KBTBD2: variants seen among roughly 807,000 people sequenced by gnomAD.
The protein encoded by KBTBD2 is kelch repeat and BTB domain-containing protein 2.
A neutral mutation model predicts 57.1 loss-of-function variants in KBTBD2; 17 were observed. The observed-to-expected ratio is 0.30, with a 90% CI of 0.20 to 0.45. The LOEUF (loss-of-function observed/expected upper bound fraction) is 0.45, where lower values mean the gene tolerates loss of function less well. Ranked by LOEUF, KBTBD2 falls within the 20% of genes least tolerant of loss-of-function variation. The pLI is 1.00. For synonymous variants in KBTBD2, 267 were observed against 262.7 expected, an observed-to-expected ratio of 1.02 and a Z score of -0.16; for missense variants, 515 against 750.6, an observed-to-expected ratio of 0.69 and a Z score of 3.67.
At chr7:32,875,733 T>C (rs1362886197) in intron 2 of KBTBD2, among the ~76,000 whole-genome samples, 2 of 152,158 alleles carry the variant, frequency 1.3e-5, no homozygotes, top group South Asian at 2.1e-4. Context: ...TAAGTATTAA[T>C]ATATACTTTA....
chr7:32,886,892 G>A (rs1365166583), intron 1 of KBTBD2, among the ~76,000 whole-genome samples: 3 of 151,938 alleles, frequency 2.0e-5, no homozygotes, highest in Non-Finnish European at 4.4e-5. Flanking sequence ...AGTATGAAAT[G>A]TTGAAATTTT....
chr7:32,886,824 T>C (rs999762932), intron 1 of KBTBD2, among the ~76,000 whole-genome samples: 2 of 152,280 alleles, frequency 1.3e-5, no homozygotes, highest in African/African-American at 4.8e-5. Context: ...TAAGTGACCA[T>C]GAAATTGTTT....
chr7:32,869,258 C>CAT lies in KBTBD2; in HGVS notation c.*85_*86dup. ...TATCAAAGATAGAATTTTATGTACTCATATTTAGTTCTTTCATAGCCTCTT... is the reference window on the plus strand; with the variant it reads ...TATCAAAGATAGAATTTTATGTACTCATATATTTAGTTCTTTCATAGCCTCTT... On this transcript the variant is annotated 3_prime_UTR_variant, in exon 4 of 4. Transcript: ENST00000304056. 1.1e-6 allele frequency: 1 copy of CAT among 896,272 alleles called. No homozygotes were observed. Among genetic ancestry groups the CAT allele is most frequent in the Admixed American group, 2.5e-5 (1 of 40,142 alleles). 55.5% of individuals were successfully genotyped at this position (896,272 alleles called of 1,614,324 possible). A position where few individuals can be genotyped will look rare whatever the true frequency, so the allele number is the denominator to read the frequency against.
chr7:32,882,582 G>T (rs1562536327), intron 1 of KBTBD2, among the ~76,000 whole-genome samples: 1 of 152,024 alleles, frequency 6.6e-6, no homozygotes, highest in African/African-American at 2.4e-5. Flanking sequence ...TGTAATCCAG[G>T]ATACATTTTC....
At chr7:32,881,651 T>TA (rs1276007864) in intron 1 of KBTBD2, among the ~76,000 whole-genome samples, 1 of 152,196 alleles carries the variant, frequency 6.6e-6, no homozygotes, top group African/African-American at 2.4e-5. Flanking sequence ...TTTAAGGTAA[T>TA]AACTTTGCTC....
rs377459152 is a variant in KBTBD2 at position 32,869,768 on chromosome 7, G to C, written c.1449C>G (p.Ser483=). Residue 483 remains serine, a synonymous_variant, in exon 4 of 4, where the codon TCC becomes TCG. Transcript: ENST00000304056. ...CAGTGCCAGAGGGGAGTCTTATGCC[G>C]GAATTGGTAGCAATATGCAACCCTC... ...YIGGLHIATN[S]GIRLPSGTVD... is the part of the protein sequence containing the mutation. The C allele has an allele frequency of 1.2e-5, 20 of 1,613,858 alleles. No homozygotes were observed. Among genetic ancestry groups the C allele is most frequent in the Non-Finnish European group, 1.6e-5 (19 of 1,180,016 alleles).
chr7:32,889,200 AGAATGGC>A (rs1784663872), intron 1 of KBTBD2, among the ~76,000 whole-genome samples: 1 of 151,820 alleles, frequency 6.6e-6, no homozygotes, highest in Admixed American at 6.6e-5. Flanking sequence ...CTGAGGCAGG[AGAATGGC>A]GTGAACCCGG....
At chr7:32,884,582 C>G (rs187402452) in intron 1 of KBTBD2, among the ~76,000 whole-genome samples, 209 of 149,808 alleles carry the variant, frequency 1.4e-3, no homozygotes, top group African/African-American at 5.0e-3. Flanking sequence ...CCCTGCTACT[C>G]GGGAGGCTGA....
chr7:32,877,572 T>C (rs776785923), intron 2 of KBTBD2, among the ~76,000 whole-genome samples: 1 of 152,160 alleles, frequency 6.6e-6, no homozygotes, highest in Non-Finnish European at 1.5e-5. Context: ...ATAGGAGCAT[T>C]AGATGTAAAG....
chr7:32,882,589 T>C (rs540548159), intron 1 of KBTBD2, among the ~76,000 whole-genome samples: 2 of 152,324 alleles, frequency 1.3e-5, no homozygotes, highest in South Asian at 4.1e-4. Flanking sequence ...CAGGATACAT[T>C]TTCTTCCTGG....
chr7:32,882,037 C>A (rs910127622), intron 1 of KBTBD2, among the ~76,000 whole-genome samples: 1 of 151,912 alleles, frequency 6.6e-6, no homozygotes, highest in African/African-American at 2.4e-5. Context: ...TATATAGCCT[C>A]ACGTTACTTC....
At chr7:32,879,303 A>C in intron 2 of KBTBD2, 132 bp downstream of exon 2, 1 of 606,802 alleles carries the variant, frequency 1.6e-6, no homozygotes, top group African/African-American at 1.9e-5. Context: ...TGCAAGAATG[A>C]GATTTGCCAA....
At chr7:32,888,214 CTTTT>C (rs745483964) in intron 1 of KBTBD2, among the ~76,000 whole-genome samples, 1 of 150,610 alleles carries the variant, frequency 6.6e-6, no homozygotes, top group African/African-American at 2.5e-5. Context: ...ATAATTTTTC[CTTTT>C]TTTTTCCTTT....
intron 3 of KBTBD2, chr7:32,874,692 T>TA (rs1784266674): frequency 1.0e-5 from 2 of 200,508 alleles, no homozygotes; most frequent in African/African-American, 2.3e-5. Flanking sequence ...TGTAACTGAG[T>TA]AAAAAAATGC....
rs1583799864 is a variant in KBTBD2, at chr7:32,891,673, G to A, written c.-476C>T. On this transcript the variant is annotated 5_prime_UTR_variant, in exon 1 of 4. Transcript: ENST00000304056. ...GGGTCTCGCCTCCGCCTCCGGCCGA[G>A]GAAGGCTGGCGCCGCCGCCTCTTCC... The A allele has an allele frequency of 1.3e-5, 2 of 150,280 alleles. No homozygotes were observed. The highest frequency in any genetic ancestry group is 4.1e-4 in the East Asian group (2 of 4,938). 9.3% of individuals were successfully genotyped at this position (150,280 alleles called of 1,614,324 possible).
chr7:32,872,101 C>T (rs1784193126), intron 3 of KBTBD2, among the ~76,000 whole-genome samples: 1 of 152,068 alleles, frequency 6.6e-6, no homozygotes, highest in Non-Finnish European at 1.5e-5. Context: ...TTTGGGATTA[C>T]AGGGAGGAGG....
rs911927012 is a variant in KBTBD2 at position 32,868,313 on chromosome 7, G to A, written c.*1032C>T. On this transcript the variant is annotated 3_prime_UTR_variant, in exon 4 of 4. Transcript: ENST00000304056. ...TGGCGGCGCCCCACTACTGCTAGTG[G>A]TTCCTGGGATTAATGCCAGAGCAGC... The A allele has an allele frequency of 6.6e-6, 1 of 152,526 alleles. No homozygotes were observed. Among genetic ancestry groups the A allele is most frequent in the Non-Finnish European group, 1.5e-5 (1 of 68,024 alleles). 9.4% of individuals were successfully genotyped at this position (152,526 alleles called of 1,614,324 possible).
intron 1 of KBTBD2, among the ~76,000 whole-genome samples, chr7:32,881,676 G>A (rs1464672104): frequency 2.0e-5 from 3 of 152,214 alleles, no homozygotes; most frequent in African/African-American, 7.2e-5. Context: ...AGAACAGCAT[G>A]TCACACTATA....
chr7:32,872,415 C>T (rs1037565888), intron 3 of KBTBD2, among the ~76,000 whole-genome samples: 2 of 152,084 alleles, frequency 1.3e-5, no homozygotes, highest in African/African-American at 4.8e-5. Flanking sequence ...TGTTGTAACT[C>T]GCACCTGTAA....
Sources: allele counts gnomAD v4.1 joint callset (sites outside exome capture counted in the v4.1 genomes callset), GRCh38; gene constraint gnomAD v4.1.1; transcripts MANE v1.5; gene names NCBI Gene and HGNC (gene_info 2026-07-23, HGNC 2026-07-21).